Variants in GABRB3 observed in about 807,000 individuals in gnomAD.
GABRB3 encodes gamma-aminobutyric acid receptor subunit beta-3.
A neutral mutation model predicts 52.1 loss-of-function variants in GABRB3; 14 were observed. That is an observed-to-expected ratio of 0.27 (90% CI 0.18 to 0.42). The LOEUF is 0.42. GABRB3 is among the 10% of genes least tolerant of loss of function. The pLI is 1.00. For missense variants in GABRB3, 307 were observed against 609.1 expected, an observed-to-expected ratio of 0.50 and a Z score of 5.22; for synonymous variants, 260 against 232.3, an observed-to-expected ratio of 1.12 and a Z score of -1.08.
intron 3 of GABRB3, among the ~76,000 whole-genome samples, chr15:26,686,727 C>G (rs1888418126): frequency 6.6e-6 from 1 of 152,236 alleles, no homozygotes; most frequent in African/African-American, 2.4e-5. Context: ...ATGAGCACAG[C>G]CTCCTTAGCG....
At chr15:26,583,172 T>A (rs1202764957) in intron 5 of GABRB3, among the ~76,000 whole-genome samples, 160 bp downstream of exon 5, 2 of 151,038 alleles carry the variant, frequency 1.3e-5, no homozygotes, top group African/African-American at 5.0e-5. Context: ...AAGAACTCTT[T>A]TATACTGAGT....
chr15:26,632,926 AC>A (rs1361648197), intron 3 of GABRB3, among the ~76,000 whole-genome samples: 1 of 152,120 alleles, frequency 6.6e-6, no homozygotes, highest in Non-Finnish European at 1.5e-5. Flanking sequence ...AGGGCCAGTC[AC>A]CCCTGAAAGA....
chr15:26,742,474 T>G (rs1015195622), intron 3 of GABRB3, among the ~76,000 whole-genome samples: 1 of 152,196 alleles, frequency 6.6e-6, no homozygotes, highest in East Asian at 1.9e-4. Flanking sequence ...CAAGTCCTTT[T>G]AAAATGCGCA....
intron 8 of GABRB3, among the ~76,000 whole-genome samples, chr15:26,559,775 T>A (rs773882458): frequency 3.3e-5 from 5 of 152,138 alleles, no homozygotes; most frequent in Non-Finnish European, 7.3e-5. Flanking sequence ...TGCAAGGGCT[T>A]TAGAAAGTTC....
rs370406235 is a variant in GABRB3, at chr15:26,655,762, C to T, written c.241-34228G>A. On this transcript the variant is annotated intron_variant, in intron 3 of 8. Transcript: ENST00000311550. ...GTCTCAAAAAAAAAAAAAAAACCCT[C>T]GGTTTCTGCATACCTGTGTACTTGT... is the stretch of plus-strand genomic sequence containing the variant. Among the ~76,000 whole-genome samples the T allele has an allele frequency of 5.3e-5, 8 of 151,564 alleles. No individual in the cohort carries two copies. The East Asian group carries it at 1.4e-3, about 26-fold the overall frequency.
chr15:26,706,436 G>A (rs1180117062), intron 3 of GABRB3, among the ~76,000 whole-genome samples: 2 of 71,096 alleles, frequency 2.8e-5, no homozygotes, highest in African/African-American at 6.1e-5. Flanking sequence ...TCAAATTGAG[G>A]GGTTTTTTTT....
chr15:26,615,422 C>A (rs1309659189), intron 4 of GABRB3: 1 of 986,050 alleles, frequency 1.0e-6, no homozygotes, highest in East Asian at 1.1e-4. Context: ...TGAGCTCAAG[C>A]TGGTAAGAAG....
At chr15:26,631,135 T>C (rs144483285) in intron 3 of GABRB3, among the ~76,000 whole-genome samples, 7 of 152,178 alleles carry the variant, frequency 4.6e-5, no homozygotes, top group Middle Eastern at 3.2e-3. Flanking sequence ...TTCTGGAATA[T>C]GAGCCACCCA....
At chr15:26,602,879 AC>A in intron 4 of GABRB3, among the ~76,000 whole-genome samples, 1 of 152,092 alleles carries the variant, frequency 6.6e-6, no homozygotes. Context: ...AGCAAACAAA[AC>A]CCCAAATTAA....
At chr15:26,629,426 G>C (rs1381794404) in intron 3 of GABRB3, among the ~76,000 whole-genome samples, 1 of 152,224 alleles carries the variant, frequency 6.6e-6, no homozygotes, top group South Asian at 2.1e-4. Context: ...ACCGGGAAGA[G>C]ACAGGCTGTC....
chr15:26,728,566 T>C (rs1410959662), intron 3 of GABRB3, among the ~76,000 whole-genome samples: 1 of 152,172 alleles, frequency 6.6e-6, no homozygotes, highest in Non-Finnish European at 1.5e-5. Flanking sequence ...ACCATGGATA[T>C]GGTGAGCAGG....
intron 3 of GABRB3, among the ~76,000 whole-genome samples, chr15:26,736,887 G>T (rs1890078490): frequency 6.6e-6 from 1 of 152,222 alleles, no homozygotes; most frequent in Non-Finnish European, 1.5e-5. Context: ...AACATCCTTT[G>T]ACTTTGATGC....
chr15:26,652,768 T>C (rs1405015018), intron 3 of GABRB3, among the ~76,000 whole-genome samples: 1 of 152,180 alleles, frequency 6.6e-6, no homozygotes, highest in African/African-American at 2.4e-5. Flanking sequence ...GGTAAATCTA[T>C]ATTTTTGTAC....
chr15:26,773,648 C>G (rs1566838747), upstream of GABRB3: 1 of 1,562,928 alleles, frequency 6.4e-7, no homozygotes, highest in Admixed American at 1.9e-5. Context: ...GCCTCACCTG[C>G]GGGGCTCAGA....
chr15:26,547,417 C>A lies in GABRB3; in HGVS notation c.*376G>T. Reference sequence around the variant, plus strand: ...CACATTTGGGGATGATATTGTGTTTCACGCCCTCATTCTCAAGGCATAATA... The same window carrying A: ...CACATTTGGGGATGATATTGTGTTTAACGCCCTCATTCTCAAGGCATAATA... On this transcript the variant is annotated 3_prime_UTR_variant, in exon 9 of 9. Coordinates refer to ENST00000311550, the MANE Select transcript of GABRB3 (RefSeq NM_000814.6). 4.5e-6 allele frequency: 2 copies of A among 440,956 alleles called. No homozygotes were observed. The highest frequency in any genetic ancestry group is 8.0e-6 in the Non-Finnish European group (2 of 250,754). 27.3% of individuals were successfully genotyped at this position (440,956 alleles called of 1,614,324 possible).
intron 6 of GABRB3, among the ~76,000 whole-genome samples, chr15:26,576,130 G>A (rs1446556684): frequency 4.6e-5 from 7 of 152,302 alleles, no homozygotes; most frequent in Admixed American, 3.3e-4. Flanking sequence ...TTGATTTTTA[G>A]CTGAATATGT....
chr15:26,629,761 CT>C lies in GABRB3; in HGVS notation c.241-8228del, dbSNP rs1215009869. Among the ~76,000 whole-genome samples, 16 of 152,272 alleles carry C rather than the reference CT, an allele frequency of 1.1e-4. No homozygotes were observed. In the South Asian group the frequency reaches 1.5e-3, roughly 14 times the overall value. On this transcript the variant is annotated intron_variant, in intron 3 of 8. Transcript: ENST00000311550. ...TAACCTGACTTTAGAAAACTACAGT[CT>C]TAGTGGGAGTTGAGATTTATAGCCA...
chr15:26,574,602 T>C (rs933870524), intron 6 of GABRB3, among the ~76,000 whole-genome samples: 10 of 152,084 alleles, frequency 6.6e-5, no homozygotes, highest in Non-Finnish European at 1.5e-4. Flanking sequence ...TGGCACAACA[T>C]GGATGAACCT....
At chr15:26,596,793 C>T (rs1283769141) in intron 4 of GABRB3, among the ~76,000 whole-genome samples, 1 of 152,110 alleles carries the variant, frequency 6.6e-6, no homozygotes, top group Non-Finnish European at 1.5e-5. Flanking sequence ...TTCATTAGTT[C>T]ATTTTCTGTT....
Sources: allele counts gnomAD v4.1 joint callset (sites outside exome capture counted in the v4.1 genomes callset), GRCh38; gene constraint gnomAD v4.1.1; transcripts MANE v1.5; gene names NCBI Gene and HGNC (gene_info 2026-07-23, HGNC 2026-07-21).